ZNF248: variants seen among roughly 807,000 people sequenced by gnomAD.
ZNF248 encodes zinc finger protein 248, also known as KRAB protein domain.
In ZNF248, 20 loss-of-function variants were observed where a neutral mutation model predicts 44.3. That is an observed-to-expected ratio of 0.45 (90% CI 0.32 to 0.66). The LOEUF (loss-of-function observed/expected upper bound fraction) is 0.66. Ranked by LOEUF, ZNF248 falls within the 30% of genes least tolerant of loss-of-function variation. The pLI is 0.04. For synonymous variants in ZNF248, 224 were observed against 229.0 expected (o/e 0.98, Z 0.20); for missense variants, 654 against 677.0 (o/e 0.97, Z 0.38).
chr10:37,767,257 T>G, the ZNF248 span, among the ~76,000 whole-genome samples: 8 of 152,046 alleles, frequency 5.3e-5, no homozygotes, highest in Non-Finnish European at 7.3e-5. Flanking sequence ...ACGTTCAGAT[T>G]CAGGAAATAT....
downstream of ZNF248, among the ~76,000 whole-genome samples, chr10:37,773,725 ATCTC>A (rs2132745505): frequency 6.6e-6 from 1 of 152,196 alleles, no homozygotes; most frequent in Non-Finnish European, 1.5e-5. Context: ...GCATGTCCTC[ATCTC>A]TCTTTCTTAT....
chr10:37,783,084 G>C (rs1016001840), intron 6 of ZNF248, among the ~76,000 whole-genome samples: 1 of 151,958 alleles, frequency 6.6e-6, no homozygotes, highest in African/African-American at 2.4e-5. Context: ...ACCTTTTTTG[G>C]GTATGGCACA....
downstream of ZNF248, among the ~76,000 whole-genome samples, chr10:37,824,345 C>T (rs531411073): frequency 3.3e-5 from 5 of 152,294 alleles, no homozygotes; most frequent in South Asian, 1.0e-3. Flanking sequence ...ATGTTAATCT[C>T]ATCCAATACC....
At chr10:37,814,708 C>T (rs1199734911) in intron 6 of ZNF248, among the ~76,000 whole-genome samples, 1 of 152,176 alleles carries the variant, frequency 6.6e-6, no homozygotes, top group African/African-American at 2.4e-5. Context: ...ACATTTCAAC[C>T]CACTGCCTTC....
chr10:37,822,920 G>A (rs931606228), intron 6 of ZNF248, among the ~76,000 whole-genome samples: 8 of 152,122 alleles, frequency 5.3e-5, no homozygotes, highest in Admixed American at 5.2e-4. Context: ...TAGAATTAAT[G>A]TGCGGTCTAT....
downstream of ZNF248, among the ~76,000 whole-genome samples, chr10:37,774,033 T>C (rs1200875773): frequency 6.6e-6 from 1 of 150,970 alleles, no homozygotes; most frequent in Non-Finnish European, 1.5e-5. Context: ...CCATATCCTA[T>C]CAGTTGTTTC....
rs1589408378 is a variant in ZNF248, at chr10:37,817,881, A to AT, written c.330+15143_330+15144insA. Among the ~76,000 whole-genome samples, 4 of 152,188 alleles carry AT rather than the reference A, an allele frequency of 2.6e-5. No individual in the cohort carries two copies. In the East Asian group the frequency reaches 7.7e-4, roughly 29 times the overall value. ...CAAGTCTAAATATAGACACTGGACT[A>AT]GCCTAGTCTGTATTTTCTTTTTTAT... On this transcript the variant is annotated intron_variant, in intron 6 of 6. Coordinates refer to the ZNF248 transcript ENST00000615949.
chr10:37,781,323 A>C (rs2132893771), intron 6 of ZNF248, among the ~76,000 whole-genome samples: 1 of 152,242 alleles, frequency 6.6e-6, no homozygotes, highest in South Asian at 2.1e-4. Flanking sequence ...GTTATAATGT[A>C]CCACCTGACA....
chr10:37,764,949 C>T, the ZNF248 span, among the ~76,000 whole-genome samples: 1 of 151,612 alleles, frequency 6.6e-6, no homozygotes, highest in South Asian at 2.1e-4. Context: ...ACACCTAAGA[C>T]ACTTTTTGAG....
chr10:37,784,930 C>T (rs1208774), intron 6 of ZNF248, among the ~76,000 whole-genome samples: 9,138 of 152,180 alleles, frequency 0.06, 353 homozygotes, highest in Middle Eastern at 0.095. Flanking sequence ...CTTACCCCAC[C>T]GTTAAGATCA....
intron 5 of ZNF248, among the ~76,000 whole-genome samples, chr10:37,836,464 G>A (rs902946836): frequency 6.6e-6 from 1 of 152,088 alleles, no homozygotes; most frequent in Non-Finnish European, 1.5e-5. Flanking sequence ...TGATTTCCCT[G>A]ACACTGTTCA....
At chr10:37,793,220 A>G (rs2133099492) in intron 6 of ZNF248, among the ~76,000 whole-genome samples, 1 of 152,130 alleles carries the variant, frequency 6.6e-6, no homozygotes, top group South Asian at 2.1e-4. Context: ...CTGTAGTCCC[A>G]GCTACTCGGG....
intron 3 of ZNF248, among the ~76,000 whole-genome samples, chr10:37,854,581 G>A (rs917532226): frequency 9.2e-5 from 14 of 152,276 alleles, no homozygotes; most frequent in Admixed American, 2.6e-4. Flanking sequence ...ATATTCTATG[G>A]GAGGAGCTGT....
chr10:37,813,626 C>A (rs1395101553), intron 6 of ZNF248, among the ~76,000 whole-genome samples: 2 of 151,850 alleles, frequency 1.3e-5, no homozygotes, highest in Non-Finnish European at 2.9e-5. Context: ...TTACTTTATT[C>A]TAAGAATATA....
chr10:37,830,925 AAT>A lies in ZNF248; in HGVS notation c.*688_*689del. On this transcript the variant is annotated 3_prime_UTR_variant, in exon 6 of 6. Transcript: ENST00000395867. ...CATATTTTAAATAATGACTGCTTTT[AAT>A]AACTGGCTCACAAAATTCCTTAAAA... 3.5e-6 allele frequency: 1 copy of A among 287,260 alleles called. No homozygotes were observed. Among genetic ancestry groups the A allele is most frequent in the Non-Finnish European group, 5.4e-6 (1 of 184,156 alleles). The allele number at this position is 287,260 out of a possible 1,614,324, so 17.8% of individuals were successfully genotyped here. A position where few individuals can be genotyped will look rare whatever the true frequency, so the allele number is the denominator to read the frequency against.
chr10:37,781,941 G>T (rs1478418266), intron 6 of ZNF248, among the ~76,000 whole-genome samples: 2 of 152,206 alleles, frequency 1.3e-5, no homozygotes, highest in Non-Finnish European at 2.9e-5. Context: ...AGTATCCATT[G>T]TAATTGTGTA....
intron 6 of ZNF248, among the ~76,000 whole-genome samples, chr10:37,813,007 T>A: frequency 7.1e-6 from 1 of 141,526 alleles, no homozygotes; most frequent in Admixed American, 7.4e-5. Context: ...ATAAAAGAGA[T>A]CGTGGATATG....
chr10:37,776,324 A>T (rs1048605088), downstream of ZNF248: 2 of 350,872 alleles, frequency 5.7e-6, no homozygotes, highest in African/African-American at 4.2e-5. Flanking sequence ...CAAACCTTTC[A>T]TCATAGTGGG....
chr10:37,772,796 C>A (rs1407868490), downstream of ZNF248, among the ~76,000 whole-genome samples: 1 of 152,172 alleles, frequency 6.6e-6, no homozygotes, highest in South Asian at 2.1e-4. Flanking sequence ...GAAGTCAGCT[C>A]TTTCATTGAG....
Sources: allele counts gnomAD v4.1 joint callset (sites outside exome capture counted in the v4.1 genomes callset), GRCh38; gene constraint gnomAD v4.1.1; transcripts MANE v1.5; gene names NCBI Gene and HGNC (gene_info 2026-07-23, HGNC 2026-07-21).